Variants in CAPN9 observed in about 807,000 individuals in gnomAD.
The protein encoded by CAPN9 is calpain 9.
CAPN9 carries 81 observed loss-of-function variants against 92.8 expected under a neutral mutation model. The ratio of observed to expected loss-of-function variants is 0.87; its 90% confidence interval spans 0.73 to 1.05. CAPN9 has a LOEUF of 1.05. Among genes scored for constraint, CAPN9 ranks in the 50% least tolerant of loss-of-function variants. CAPN9 has a pLI of 0.00. For missense variants in CAPN9, 848 were observed against 866.2 expected (o/e 0.98, Z 0.26); for synonymous variants, 304 against 328.0 (o/e 0.93, Z 0.79).
At chr1:230,785,705 T>G (rs1667534158) in intron 11 of CAPN9, among the ~76,000 whole-genome samples, 1 of 152,188 alleles carries the variant, frequency 6.6e-6, no homozygotes, top group African/African-American at 2.4e-5. Flanking sequence ...TCTCTTTTCT[T>G]TATAAATTAC....
chr1:230,776,320 C>G (rs761474620), intron 8 of CAPN9: 12 of 152,196 alleles, frequency 7.9e-5, no homozygotes, highest in Non-Finnish European at 1.8e-4. Context: ...CTCCCAAAGG[C>G]CCCACCTCCT....
At position 230,780,550 on chromosome 1, in the gene CAPN9, T is replaced by C; in HGVS notation, c.1323T>C (p.Ala441=). 1 of 1,614,168 alleles carries C rather than the reference T, an allele frequency of 6.2e-7. No individual in the cohort carries two copies. The highest frequency in any genetic ancestry group is 8.5e-7 in the Non-Finnish European group (1 of 1,180,040). ...ACAAAGACTTCTTCAGATACCACGC[T>C]TCTCGGGCCAGAAGCAAGACGTTCA... ...HLNKDFFRYH[A]SRARSKTFIN... Residue 441 remains alanine (A), a synonymous_variant, in exon 11 of 20, where the codon GCT becomes GCC. Coordinates refer to ENST00000271971, the MANE Select transcript of CAPN9 (RefSeq NM_006615.3).
chr1:230,801,152 T>C (rs1349919327), intron 19 of CAPN9, among the ~76,000 whole-genome samples: 3 of 152,106 alleles, frequency 2.0e-5, no homozygotes, highest in Non-Finnish European at 4.4e-5. Flanking sequence ...ACCCCCCAGC[T>C]ATGGAACCTG....
chr1:230,795,259 T>A lies in CAPN9; in HGVS notation c.1967T>A (p.Val656Asp). 6.2e-7 allele frequency: 1 copy of A among 1,611,304 alleles called. No individual in the cohort carries two copies. The highest frequency in any genetic ancestry group is 8.5e-7 in the Non-Finnish European group (1 of 1,178,252). The part of the protein sequence containing the change: ...LDFDDFLNCL[V>D]RLENASRVFQ... ...TTCGATGACTTCCTCAACTGCCTGG[T>A]CCGGCTGGAGAATGCGAGCCGTAAG... The change falls in exon 18 of 20, where the codon GTC (valine) becomes GAC (aspartate). Residue 656 changes from valine (V) to aspartate (D), a missense_variant. By Grantham distance (152) the Val-to-Asp change is radical. Coordinates refer to ENST00000271971, the MANE Select transcript of CAPN9 (RefSeq NM_006615.3).
intron 11 of CAPN9, among the ~76,000 whole-genome samples, chr1:230,783,612 A>G (rs997146582): frequency 6.6e-6 from 1 of 152,226 alleles, no homozygotes. Context: ...GTTAACTTCT[A>G]GGGAATACAC....
At chr1:230,755,528 G>C in intron 2 of CAPN9, 122 bp downstream of exon 2, 1 of 671,040 alleles carries the variant, frequency 1.5e-6, no homozygotes, top group Non-Finnish European at 2.5e-6. Flanking sequence ...ACACTGCTTC[G>C]GCCTCTGCTT....
chr1:230,797,780 C>T (rs866440406), intron 18 of CAPN9, among the ~76,000 whole-genome samples: 41 of 152,190 alleles, frequency 2.7e-4, no homozygotes, highest in African/African-American at 9.9e-4. Context: ...CCTACAAGGG[C>T]GAGACTAACA....
chr1:230,751,306 G>A (rs753762185), intron 1 of CAPN9, among the ~76,000 whole-genome samples: 10 of 152,260 alleles, frequency 6.6e-5, no homozygotes, highest in East Asian at 5.8e-4. Flanking sequence ...GCACATGACA[G>A]GGATCGGCAC....
At chr1:230,758,596 T>TG (rs1482497244) in intron 2 of CAPN9, among the ~76,000 whole-genome samples, 2 of 152,164 alleles carry the variant, frequency 1.3e-5, no homozygotes, top group Non-Finnish European at 2.9e-5. Context: ...GAGTCTCTCT[T>TG]GCCTGTGTCA....
rs1195877992 is a variant in CAPN9, at chr1:230,801,825, C to T, written c.*229C>T. The T allele has an allele frequency of 3.5e-6, 2 of 563,872 alleles. No homozygotes were observed. The highest frequency in any genetic ancestry group is 6.3e-6 in the Non-Finnish European group (2 of 315,658). The allele number at this position is 563,872 out of a possible 1,614,324, so 34.9% of individuals were successfully genotyped here. On this transcript the variant is annotated 3_prime_UTR_variant, in exon 20 of 20. Coordinates refer to ENST00000271971, the MANE Select transcript of CAPN9 (RefSeq NM_006615.3). ...TGCCTTAAGGGGGCTGATGGCGCCA[C>T]CTGTGCCTTACATCCAGGTTCAGGC...
chr1:230,787,181 A>G (rs1667649990), intron 12 of CAPN9, among the ~76,000 whole-genome samples: 1 of 152,234 alleles, frequency 6.6e-6, no homozygotes, highest in African/African-American at 2.4e-5. Flanking sequence ...GAAGTAAGTC[A>G]TTCCAGTCCA....
intron 18 of CAPN9, among the ~76,000 whole-genome samples, chr1:230,796,371 T>TA (rs1668360316): frequency 6.8e-6 from 1 of 146,350 alleles, no homozygotes; most frequent in Non-Finnish European, 1.5e-5. Flanking sequence ...AATAAATAAA[T>TA]AATAAAATTA....
At chr1:230,765,040 G>T (rs1180807964) in intron 4 of CAPN9, among the ~76,000 whole-genome samples, 1 of 152,002 alleles carries the variant, frequency 6.6e-6, no homozygotes, top group Non-Finnish European at 1.5e-5. Context: ...CTCAAGTCTT[G>T]GTTTCTAAGA....
intron 10 of CAPN9, 52 bp downstream of exon 10, chr1:230,780,388 C>T (rs553158434): frequency 8.7e-6 from 14 of 1,602,716 alleles, no homozygotes; most frequent in African/African-American, 5.4e-5. Context: ...GTTCTAAATT[C>T]GCGGCTCCTC....
chr1:230,767,817 G>A (rs1666090096), intron 5 of CAPN9, 108 bp downstream of exon 5: 2 of 1,048,332 alleles, frequency 1.9e-6, no homozygotes, highest in African/African-American at 1.6e-5. Context: ...CCCAAGGAGG[G>A]GCATAACTCT....
At chr1:230,794,892 A>G (rs1349491068) in intron 17 of CAPN9, among the ~76,000 whole-genome samples, 2 of 152,154 alleles carry the variant, frequency 1.3e-5, no homozygotes, top group South Asian at 2.1e-4. Context: ...TAAGATCACA[A>G]ACTCGCTAAA....
chr1:230,764,310 C>G (rs1665828628), intron 4 of CAPN9, among the ~76,000 whole-genome samples: 1 of 152,228 alleles, frequency 6.6e-6, no homozygotes, highest in Non-Finnish European at 1.5e-5. Flanking sequence ...GGTGAATTCC[C>G]TTTCCCTACT....
chr1:230,779,592 G>A (rs549587599), intron 9 of CAPN9, among the ~76,000 whole-genome samples: 20 of 152,178 alleles, frequency 1.3e-4, no homozygotes, highest in South Asian at 6.2e-4. Flanking sequence ...TCATTCACAC[G>A]AACAGCAAGA....
intron 9 of CAPN9, 43 bp downstream of exon 9, chr1:230,779,176 C>A (rs370787528): frequency 1.3e-6 from 2 of 1,594,042 alleles, no homozygotes; most frequent in Middle Eastern, 4.5e-4. Context: ...TCCCAAGTGT[C>A]CCTTCCAACT....
Sources: gnomAD v4.1 joint callset for allele counts (sites outside exome capture counted in the v4.1 genomes callset) on GRCh38, gnomAD v4.1.1 for gene constraint, MANE v1.5 for transcripts, NCBI Gene and HGNC (gene_info 2026-07-23, HGNC 2026-07-21) for gene names.